Variants in GRID2 observed in about 807,000 individuals in gnomAD.
GRID2 encodes the protein glutamate receptor ionotropic, delta-2.
A neutral mutation model predicts 114.8 loss-of-function variants in GRID2; 33 were observed. That is an observed-to-expected ratio of 0.29 (90% CI 0.22 to 0.38). The LOEUF is 0.38. Among genes scored for constraint, GRID2 ranks in the 10% least tolerant of loss-of-function variants. The pLI is 1.00. For synonymous variants in GRID2, 505 were observed against 449.9 expected (o/e 1.12, Z -1.55); for missense variants, 1,184 against 1,257.7 (o/e 0.94, Z 0.89).
intron 2 of GRID2, among the ~76,000 whole-genome samples, chr4:92,723,608 C>A (rs1197033482): frequency 1.3e-5 from 2 of 152,004 alleles, no homozygotes; most frequent in African/African-American, 4.8e-5. Context: ...TAGGTAGTTA[C>A]TTCTTTATTT....
intron 13 of GRID2, among the ~76,000 whole-genome samples, chr4:93,617,635 A>C (rs1482843140): frequency 6.6e-6 from 1 of 152,086 alleles, no homozygotes; most frequent in African/African-American, 2.4e-5. Flanking sequence ...AATCATTCTC[A>C]TTTTTATTAT....
chr4:92,577,505 G>A (rs1021597567), intron 1 of GRID2, among the ~76,000 whole-genome samples: 2 of 152,190 alleles, frequency 1.3e-5, no homozygotes, highest in Non-Finnish European at 2.9e-5. Flanking sequence ...TGACAGTGAT[G>A]AGAAGGATCA....
chr4:92,538,690 A>G (rs530288727), intron 1 of GRID2, among the ~76,000 whole-genome samples: 1 of 152,322 alleles, frequency 6.6e-6, no homozygotes, highest in East Asian at 1.9e-4. Flanking sequence ...CTATTACTGC[A>G]TTCCTAGTCT....
intron 13 of GRID2, among the ~76,000 whole-genome samples, chr4:93,566,400 T>G (rs1162670659): frequency 6.6e-6 from 1 of 152,102 alleles, no homozygotes; most frequent in Non-Finnish European, 1.5e-5. Flanking sequence ...ATGAGGGGAT[T>G]TTTGAAGGTT....
intron 2 of GRID2, among the ~76,000 whole-genome samples, chr4:92,732,196 G>T (rs1047999881): frequency 6.6e-6 from 1 of 151,836 alleles, no homozygotes; most frequent in Non-Finnish European, 1.5e-5. Flanking sequence ...ATGTGAAAAT[G>T]GACCTAGAGA....
chr4:93,093,940 A>T (rs1730991260), intron 3 of GRID2, among the ~76,000 whole-genome samples: 1 of 152,052 alleles, frequency 6.6e-6, no homozygotes, highest in African/African-American at 2.4e-5. Flanking sequence ...TCAACCAAGC[A>T]AATCTGGTTT....
chr4:93,040,226 A>C (rs1313471992), intron 2 of GRID2, among the ~76,000 whole-genome samples: 1 of 151,926 alleles, frequency 6.6e-6, no homozygotes, highest in African/African-American at 2.4e-5. Flanking sequence ...AATAACCTTA[A>C]AATTGATGTG....
rs1381425668 is a variant in GRID2 at position 93,516,413 on chromosome 4, T to C, written c.2193+1002T>C. Among the ~76,000 whole-genome samples, 4 of 152,150 alleles carry C rather than the reference T, an allele frequency of 2.6e-5. No homozygotes were observed. The East Asian group carries it at 5.8e-4, about 22-fold the overall frequency. ...AGAGTCAGCCTAGTAATTCTTGCAGTCAACATATTGATATCATTCTTCTGA... is the reference window on the plus strand; with the variant it reads ...AGAGTCAGCCTAGTAATTCTTGCAGCCAACATATTGATATCATTCTTCTGA... On this transcript the variant is annotated intron_variant, in intron 13 of 15. Transcript: ENST00000282020.
intron 1 of GRID2, among the ~76,000 whole-genome samples, chr4:92,434,329 G>A (rs1320881324): frequency 3.9e-5 from 6 of 152,138 alleles, no homozygotes; most frequent in African/African-American, 1.2e-4. Flanking sequence ...TTTCCTCACT[G>A]ACTGGATCAA....
intron 1 of GRID2, among the ~76,000 whole-genome samples, chr4:93,785,275 A>C (rs1734568765): frequency 6.6e-6 from 1 of 152,222 alleles, no homozygotes; most frequent in Admixed American, 6.5e-5. Context: ...CGGTGTTTGC[A>C]ATCTACTGGG....
intron 1 of GRID2, among the ~76,000 whole-genome samples, chr4:92,513,651 C>A (rs1046764237): frequency 7.2e-5 from 11 of 151,796 alleles, no homozygotes; most frequent in Non-Finnish European, 1.2e-4. Context: ...ATTTCACTAA[C>A]CTCTGCTTCA....
At chr4:92,551,666 C>T (rs905588534) in intron 1 of GRID2, among the ~76,000 whole-genome samples, 8 of 152,060 alleles carry the variant, frequency 5.3e-5, no homozygotes, top group African/African-American at 1.9e-4. Flanking sequence ...TGGACTTATA[C>T]TGCATGAAGA....
intron 1 of GRID2, among the ~76,000 whole-genome samples, chr4:92,432,611 TG>T (rs945521833): frequency 5.9e-5 from 9 of 152,036 alleles, no homozygotes; most frequent in African/African-American, 2.2e-4. Flanking sequence ...TAGTAAACAC[TG>T]TCAGGCCTGA....
chr4:92,820,784 G>A (rs1312041657), intron 2 of GRID2, among the ~76,000 whole-genome samples: 1 of 151,794 alleles, frequency 6.6e-6, no homozygotes, highest in African/African-American at 2.4e-5. Flanking sequence ...TTAATTTCAG[G>A]TTCAATTTTT....
At chr4:92,570,070 C>T (rs1008892055) in intron 1 of GRID2, among the ~76,000 whole-genome samples, 2 of 151,982 alleles carry the variant, frequency 1.3e-5, no homozygotes, top group African/African-American at 4.8e-5. Context: ...AGGTTTTCTT[C>T]AAGGGTTTGT....
intron 11 of GRID2, among the ~76,000 whole-genome samples, chr4:93,484,659 C>T (rs1726208877): frequency 6.6e-6 from 1 of 151,874 alleles, no homozygotes; most frequent in Non-Finnish European, 1.5e-5. Context: ...TTGATTACAG[C>T]TCCACATTTG....
intron 12 of GRID2, among the ~76,000 whole-genome samples, chr4:93,504,811 G>T (rs923195048): frequency 6.6e-6 from 1 of 151,882 alleles, no homozygotes; most frequent in Non-Finnish European, 1.5e-5. Context: ...AAAAAAAATG[G>T]TTTAGTTAAT....
At chr4:93,166,541 G>A (rs189500719) in intron 4 of GRID2, among the ~76,000 whole-genome samples, 68 of 152,276 alleles carry the variant, frequency 4.5e-4, no homozygotes, top group African/African-American at 9.6e-4. Flanking sequence ...ACCCTGTATC[G>A]GTAAGGCATG....
At chr4:93,650,385 TTTAAAATACC>T (rs1722482176) in intron 14 of GRID2, among the ~76,000 whole-genome samples, 1 of 151,904 alleles carries the variant, frequency 6.6e-6, no homozygotes, top group Non-Finnish European at 1.5e-5. Context: ...TAGATTTTTT[TTTAAAATACC>T]TCAATGAAAT....
Sources: allele counts gnomAD v4.1 joint callset (sites outside exome capture counted in the v4.1 genomes callset), GRCh38; gene constraint gnomAD v4.1.1; transcripts MANE v1.5; gene names NCBI Gene and HGNC (gene_info 2026-07-23, HGNC 2026-07-21).